The following NAA60 variants were observed in gnomAD, a reference collection of about 807,000 sequenced individuals.
The protein encoded by NAA60 is N-alpha-acetyltransferase 60, NatF catalytic subunit.
A neutral mutation model predicts 26.1 loss-of-function variants in NAA60; 8 were observed. That is an observed-to-expected ratio of 0.31 (90% CI 0.18 to 0.55). The LOEUF (loss-of-function observed/expected upper bound fraction) is 0.55, where lower values mean the gene tolerates loss of function less well. Among genes scored for constraint, NAA60 ranks in the 20% least tolerant of loss-of-function variants. The probability of loss-of-function intolerance (pLI) is 0.93; values close to 1 mark genes in which losing one functional copy is unlikely to be tolerated. For missense variants in NAA60, 290 were observed against 311.3 expected (o/e 0.93, Z 0.51); for synonymous variants, 131 against 122.5 (o/e 1.07, Z -0.46).
chr16:3,444,465 A>C (rs1166837564), intron 1 of NAA60, among the ~76,000 whole-genome samples: 1 of 152,210 alleles, frequency 6.6e-6, no homozygotes. Context: ...AAAAAGACGA[A>C]AATGATAGGT....
At chr16:3,471,534 C>T (rs1007589676) in intron 2 of NAA60, among the ~76,000 whole-genome samples, 1 of 152,060 alleles carries the variant, frequency 6.6e-6, no homozygotes, top group African/African-American at 2.4e-5. Context: ...AGATCTGGAA[C>T]GTTTTCGTCC....
intron 2 of NAA60, among the ~76,000 whole-genome samples, chr16:3,453,079 A>T (rs1596289893): frequency 2.0e-5 from 3 of 152,258 alleles, no homozygotes; most frequent in Admixed American, 2.0e-4. Flanking sequence ...TCTGGCAGGC[A>T]ATCTAGGGTT....
intron 2 of NAA60, chr16:3,458,136 C>T: frequency 2.0e-6 from 2 of 985,212 alleles, no homozygotes; most frequent in Non-Finnish European, 2.4e-6. Context: ...CTCCAGGATG[C>T]GCTGAGCCCT....
At chr16:3,448,199 A>G (rs1349750101) in intron 1 of NAA60, among the ~76,000 whole-genome samples, 2 of 149,516 alleles carry the variant, frequency 1.3e-5, no homozygotes, top group Non-Finnish European at 3.0e-5. Context: ...ACTTGAGTCC[A>G]GGAGTTCGAG....
chr16:3,470,371 A>G (rs1414798027), intron 2 of NAA60, among the ~76,000 whole-genome samples: 1 of 152,190 alleles, frequency 6.6e-6, no homozygotes, highest in Non-Finnish European at 1.5e-5. Flanking sequence ...TCCCAGAGGC[A>G]CAGAGCTCCC....
intron 2 of NAA60, among the ~76,000 whole-genome samples, chr16:3,453,241 A>T (rs920157385): frequency 2.0e-5 from 3 of 152,072 alleles, no homozygotes; most frequent in African/African-American, 7.2e-5. Flanking sequence ...TACTAAAAAT[A>T]CAAAAAATTA....
chr16:3,473,740 G>GTTT (rs1488094237), intron 2 of NAA60, among the ~76,000 whole-genome samples: 3 of 150,344 alleles, frequency 2.0e-5, no homozygotes, highest in Non-Finnish European at 2.9e-5. Context: ...TGTTGTTGTT[G>GTTT]TTGTTGTTTT....
At chr16:3,462,495 C>G (rs554864058) in intron 2 of NAA60, 142 of 152,276 alleles carry the variant, frequency 9.3e-4, no homozygotes, top group African/African-American at 3.2e-3. Flanking sequence ...GAATGTCTTG[C>G]TAGTCTGTCA....
intron 2 of NAA60, among the ~76,000 whole-genome samples, chr16:3,457,172 G>A (rs952284315): frequency 6.6e-6 from 1 of 152,156 alleles, no homozygotes; most frequent in African/African-American, 2.4e-5. Flanking sequence ...CAGGTTGGTC[G>A]TGGTGGCTCA....
chr16:3,484,911 C>G lies in NAA60; in HGVS notation c.*56C>G, dbSNP rs528080014. On this transcript the variant is annotated 3_prime_UTR_variant, in exon 7 of 8. Coordinates refer to ENST00000407558, the MANE Select transcript of NAA60 (RefSeq NM_001083601.3). Reference sequence around the variant, plus strand: ...CCCTTCGGCCGCCCGCAGAGCCCGCCTTCCTGTCCATCTGACCCCTTCTGT... The same window carrying G: ...CCCTTCGGCCGCCCGCAGAGCCCGCGTTCCTGTCCATCTGACCCCTTCTGT... 13 of 1,547,628 alleles carry G rather than the reference C, an allele frequency of 8.4e-6. No individual in the cohort carries two copies. The highest frequency in any genetic ancestry group is 1.0e-5 in the Non-Finnish European group (12 of 1,146,924).
chr16:3,458,117 T>C, intron 2 of NAA60: 1 of 985,112 alleles, frequency 1.0e-6, no homozygotes, highest in South Asian at 4.7e-5. Flanking sequence ...ACTTCCCGGC[T>C]CCCTTCGCCT....
chr16:3,450,564 G>T (rs2034735492), intron 2 of NAA60, among the ~76,000 whole-genome samples: 1 of 152,042 alleles, frequency 6.6e-6, no homozygotes, highest in Admixed American at 6.6e-5. Context: ...GCCGAGCGTG[G>T]TGGTGGGCAC....
chr16:3,462,064 G>A (rs143247593), intron 2 of NAA60, among the ~76,000 whole-genome samples: 142 of 130,764 alleles, frequency 1.1e-3, no homozygotes, highest in African/African-American at 4.0e-3. Context: ...TCCAGCCGGA[G>A]TGATAGAGCC....
At chr16:3,467,724 C>G (rs1457400220) in intron 2 of NAA60, 1 of 152,184 alleles carries the variant, frequency 6.6e-6, no homozygotes, top group East Asian at 1.9e-4. Flanking sequence ...GCAGACACAC[C>G]TGTGGGTGCT....
chr16:3,444,551 C>G (rs1296171926), intron 1 of NAA60, among the ~76,000 whole-genome samples: 1 of 152,130 alleles, frequency 6.6e-6, no homozygotes, highest in Non-Finnish European at 1.5e-5. Flanking sequence ...TATCTAAAAG[C>G]TTAATGAATG....
intron 5 of NAA60, 27 bp from the exon 6 acceptor site, chr16:3,483,336 G>A: frequency 1.3e-6 from 2 of 1,532,700 alleles, no homozygotes; most frequent in African/African-American, 1.4e-5. Context: ...TGCTCTGCCT[G>A]CATTACCTTT....
chr16:3,462,066 G>C (rs1374306205), intron 2 of NAA60, among the ~76,000 whole-genome samples: 2 of 126,250 alleles, frequency 1.6e-5, no homozygotes, highest in Non-Finnish European at 3.1e-5. Context: ...CAGCCGGAGT[G>C]ATAGAGCCAG....
rs1370177971 is a variant in NAA60, at chr16:3,479,465, T to C, written c.111-6T>C. 6.2e-7 allele frequency: 1 copy of C among 1,613,730 alleles called. No homozygotes were observed. Among genetic ancestry groups the C allele is most frequent in the South Asian group, 1.1e-5 (1 of 91,030 alleles). ...CAGGTTCACCTGAGTATGTTCTGTT[T>C]CTCAGGTACCCAGACTCATGGTATC... On this transcript the variant is annotated splice_polypyrimidine_tract_variant and splice_region_variant and intron_variant, in intron 3 of 7. Transcript: ENST00000407558.
chr16:3,465,482 G>A (rs1278137807), intron 2 of NAA60, among the ~76,000 whole-genome samples: 1 of 152,054 alleles, frequency 6.6e-6, no homozygotes, highest in African/African-American at 2.4e-5. Context: ...AAGGTGAGTC[G>A]TCCTTCCGGC....
Sources: allele counts gnomAD v4.1 joint callset (sites outside exome capture counted in the v4.1 genomes callset), GRCh38; gene constraint gnomAD v4.1.1; transcripts MANE v1.5; gene names NCBI Gene and HGNC (gene_info 2026-07-23, HGNC 2026-07-21).